The following ADARB2 variants were observed in gnomAD, a reference collection of about 807,000 sequenced individuals.
ADARB2 encodes the protein adenosine deaminase RNA specific B2 (inactive).
ADARB2 carries 25 observed loss-of-function variants against 62.2 expected under a neutral mutation model. The observed-to-expected ratio is 0.40, with a 90% CI of 0.29 to 0.56. The LOEUF (loss-of-function observed/expected upper bound fraction) is 0.56. Ranked by LOEUF, ADARB2 falls within the 20% of genes least tolerant of loss-of-function variation. The pLI, the probability that ADARB2 is intolerant of heterozygous loss-of-function variation, is 0.43. For missense variants in ADARB2, 1,071 were observed against 1,077.4 expected (o/e 0.99, Z 0.08); for synonymous variants, 572 against 500.8 (o/e 1.14, Z -1.90).
chr10:1,354,545 G>T (rs1832175486), intron 3 of ADARB2, among the ~76,000 whole-genome samples: 1 of 152,158 alleles, frequency 6.6e-6, no homozygotes, highest in East Asian at 1.9e-4. Flanking sequence ...AGCCTGTTTG[G>T]TGTCCCTTCA....
chr10:1,293,634 A>G (rs1487214620), intron 3 of ADARB2, among the ~76,000 whole-genome samples: 1 of 152,186 alleles, frequency 6.6e-6, no homozygotes, highest in Non-Finnish European at 1.5e-5. Context: ...TTTTTTGTTT[A>G]TCCTCCACTA....
chr10:1,380,937 CCAAA>C (rs1409492933), intron 1 of ADARB2, among the ~76,000 whole-genome samples: 2 of 152,186 alleles, frequency 1.3e-5, no homozygotes, highest in Non-Finnish European at 2.9e-5. Flanking sequence ...GGGCTACCAG[CCAAA>C]CACTCACAAA....
chr10:1,346,464 AGTT>A (rs1011561326), intron 3 of ADARB2, among the ~76,000 whole-genome samples: 3 of 152,238 alleles, frequency 2.0e-5, no homozygotes, highest in Non-Finnish European at 2.9e-5. Context: ...CATATGAGAC[AGTT>A]GTTGTTGACA....
At chr10:1,597,763 A>G (rs1224675958) in intron 1 of ADARB2, among the ~76,000 whole-genome samples, 3 of 152,250 alleles carry the variant, frequency 2.0e-5, no homozygotes, top group South Asian at 2.1e-4. Flanking sequence ...CAGCAATCCC[A>G]CTACTGGATA....
chr10:1,523,133 T>C (rs942248826), intron 1 of ADARB2, among the ~76,000 whole-genome samples: 1 of 152,176 alleles, frequency 6.6e-6, no homozygotes, highest in African/African-American at 2.4e-5. Flanking sequence ...AAATCGACAA[T>C]GGCTATTTCT....
intron 1 of ADARB2, among the ~76,000 whole-genome samples, chr10:1,649,189 G>T (rs1834081092): frequency 6.6e-6 from 1 of 152,008 alleles, no homozygotes; most frequent in African/African-American, 2.4e-5. Flanking sequence ...TGCTTGTATG[G>T]AATGAAATTC....
intron 1 of ADARB2, among the ~76,000 whole-genome samples, chr10:1,473,380 G>T (rs2676200): frequency 0.88 from 133,839 of 152,082 alleles, 59,022 homozygotes; most frequent in Non-Finnish European, 0.9. Flanking sequence ...TGTTGTTGTT[G>T]TTTTGTTTTG....
intron 1 of ADARB2, among the ~76,000 whole-genome samples, chr10:1,473,853 TAAGAA>T (rs1831359188): frequency 6.6e-6 from 1 of 152,248 alleles, no homozygotes; most frequent in South Asian, 2.1e-4. Context: ...ATGGAAAGTG[TAAGAA>T]GAGAACAAAC....
At chr10:1,340,863 A>C (rs61833574) in intron 3 of ADARB2, among the ~76,000 whole-genome samples, 2 of 100,732 alleles carry the variant, frequency 2.0e-5, no homozygotes, top group African/African-American at 8.1e-5. Context: ...GGCAATAACC[A>C]GCATCCACCA....
At chr10:1,557,688 G>C (rs1832724979) in intron 1 of ADARB2, among the ~76,000 whole-genome samples, 1 of 152,158 alleles carries the variant, frequency 6.6e-6, no homozygotes, top group Non-Finnish European at 1.5e-5. Context: ...TGGATCACCT[G>C]AGGCCAGGTG....
At chr10:1,322,386 C>CT (rs1831803305) in intron 3 of ADARB2, among the ~76,000 whole-genome samples, 1 of 152,202 alleles carries the variant, frequency 6.6e-6, no homozygotes, top group African/African-American at 2.4e-5. Context: ...CCTTGTACTT[C>CT]TTCTAATTCT....
intron 1 of ADARB2, among the ~76,000 whole-genome samples, chr10:1,721,112 C>T (rs1205378441): frequency 1.3e-5 from 2 of 152,190 alleles, no homozygotes; most frequent in African/African-American, 2.4e-5. Flanking sequence ...TTTGACAAAC[C>T]TGCATCTCCA....
intron 1 of ADARB2, among the ~76,000 whole-genome samples, chr10:1,736,338 G>A (rs758640120): frequency 2.0e-5 from 3 of 152,186 alleles, no homozygotes; most frequent in Admixed American, 1.3e-4. Flanking sequence ...ACTTCAGCGC[G>A]GCCCAGCCCC....
At chr10:1,375,772 A>C (rs1832417880) in intron 2 of ADARB2, among the ~76,000 whole-genome samples, 1 of 151,992 alleles carries the variant, frequency 6.6e-6, no homozygotes, top group Non-Finnish European at 1.5e-5. Context: ...ACACACGCAC[A>C]CATGTGCACA....
rs186432248 is a variant in ADARB2 at position 1,398,359 on chromosome 10, G to A, written c.101-19199C>T. Among the ~76,000 whole-genome samples, 28 of 152,348 alleles carry A rather than the reference G, an allele frequency of 1.8e-4. No individual in the cohort carries two copies. The East Asian group carries it at 5.0e-3, about 27-fold the overall frequency. On this transcript the variant is annotated intron_variant, in intron 1 of 9. Coordinates refer to ENST00000381312, the MANE Select transcript of ADARB2 (RefSeq NM_018702.4). The surrounding 1 kb of genome is among the most constrained non-coding windows in gnomAD (Gnocchi z 4.1). The stretch of plus-strand genomic sequence containing the variant: ...CCAGCACAGGCAGTGGCACTGACAC[G>A]GGGTGAAAGACCATGAGCGCTCCTC...
chr10:1,461,599 T>A (rs540901749), intron 1 of ADARB2, among the ~76,000 whole-genome samples: 12 of 152,222 alleles, frequency 7.9e-5, no homozygotes, highest in African/African-American at 2.2e-4. Context: ...TCTTGTGCAT[T>A]ACCTGGCCTC....
chr10:1,628,129 G>A (rs1165256393), intron 1 of ADARB2, among the ~76,000 whole-genome samples: 2 of 152,238 alleles, frequency 1.3e-5, no homozygotes, highest in Admixed American at 6.5e-5. Context: ...CTGGCAGCAG[G>A]TGCCTGAGGG....
intron 1 of ADARB2, among the ~76,000 whole-genome samples, chr10:1,522,141 C>T (rs1358881789): frequency 6.6e-6 from 1 of 152,136 alleles, no homozygotes; most frequent in Admixed American, 6.6e-5. Context: ...TGGTAATCAT[C>T]ATTATTTTAG....
Position 1,284,457 on chromosome 10 carries a change from A to G in ADARB2, c.1078-13388T>C, listed in dbSNP as rs2131806797. Among the ~76,000 whole-genome samples the G allele has an allele frequency of 2.6e-5, 4 of 152,304 alleles. No homozygotes were observed. The South Asian group carries it at 8.3e-4, about 32-fold the overall frequency. ...TAAACTGTTGCACTGGACCTGCACT[A>G]TAGCTGTTACTACCGATGGCTGCCT... On this transcript the variant is annotated intron_variant, in intron 3 of 9. Coordinates refer to ENST00000381312, the MANE Select transcript of ADARB2 (RefSeq NM_018702.4).
Sources: allele counts gnomAD v4.1 joint callset (sites outside exome capture counted in the v4.1 genomes callset), GRCh38; gene constraint gnomAD v4.1.1; non-coding constraint Gnocchi (gnomAD v3.1); transcripts MANE v1.5; gene names NCBI Gene and HGNC (gene_info 2026-07-23, HGNC 2026-07-21).